Variants in PAPSS1 observed in about 807,000 individuals in gnomAD.
PAPSS1 encodes the protein 3'-phosphoadenosine 5'-phosphosulfate synthase 1.
In PAPSS1, 50 loss-of-function variants were observed where a neutral mutation model predicts 72.0. The ratio of observed to expected loss-of-function variants is 0.69; its 90% confidence interval spans 0.55 to 0.88. The LOEUF (loss-of-function observed/expected upper bound fraction) is 0.88. Among genes scored for constraint, PAPSS1 ranks in the 40% least tolerant of loss-of-function variants. The pLI, the probability that PAPSS1 is intolerant of heterozygous loss-of-function variation, is 0.00. For missense variants in PAPSS1, 657 were observed against 782.2 expected, an observed-to-expected ratio of 0.84 and a Z score of 1.91; for synonymous variants, 261 against 263.6, an observed-to-expected ratio of 0.99 and a Z score of 0.09.
At chr4:107,625,086 G>A (rs1356933755) in intron 11 of PAPSS1, among the ~76,000 whole-genome samples, 4 of 152,264 alleles carry the variant, frequency 2.6e-5, no homozygotes, top group Non-Finnish European at 5.9e-5. Flanking sequence ...TGAGGGTAAA[G>A]GTAAAGCTGG....
rs1722807972 is a variant in PAPSS1, at chr4:107,687,158, T to C, written c.431A>G (p.Gln144Arg). ...PYTQDRNNAR[Q>R]IHEGASLPFF... ...CGGTAAACTTGCACCTTCATGAATT[T>C]GCCTTGCATTGTTGCGATCCTTAAA... Residue 144 changes from glutamine (Q) to arginine (R), a missense_variant, in exon 4 of 12, where the codon CAA becomes CGA. Around this residue, in one of 7 missense-constraint regions of PAPSS1, gnomAD observed 119 missense variants for 171.1 expected, o/e 0.70. Coordinates refer to ENST00000265174, the MANE Select transcript of PAPSS1 (RefSeq NM_005443.5). 8 of 1,583,656 alleles carry C rather than the reference T, an allele frequency of 5.1e-6. No individual in the cohort carries two copies. In the South Asian group the frequency reaches 9.6e-5, roughly 19 times the overall value.
At chr4:107,689,970 C>CTTGAGGCTTACT (rs1408859788) in intron 3 of PAPSS1, among the ~76,000 whole-genome samples, 2 of 152,156 alleles carry the variant, frequency 1.3e-5, no homozygotes, top group African/African-American at 4.8e-5. Context: ...CCAGGTCTTA[C>CTTGAGGCTTACT]TGATGCTACT....
chr4:107,662,836 A>G (rs1052492786), intron 5 of PAPSS1, among the ~76,000 whole-genome samples: 1 of 152,206 alleles, frequency 6.6e-6, no homozygotes, highest in Non-Finnish European at 1.5e-5. Context: ...GACAAATGAT[A>G]GTTTAGCAGT....
At chr4:107,648,522 C>T (rs1032424279) in intron 9 of PAPSS1, among the ~76,000 whole-genome samples, 3 of 152,182 alleles carry the variant, frequency 2.0e-5, no homozygotes, top group Admixed American at 6.5e-5. Context: ...AGCCAGAGCC[C>T]CAGTATCCAC....
In PAPSS1 at chr4:107,652,761, T is replaced by C. The variant is rs79429173; in HGVS notation, c.1237+730A>G. ...GGTGATGTTAGGCTTAACCAGCTGA[T>C]TCTTCCTTGTTAAGTTTCTTTTACT... On this transcript the variant is annotated intron_variant, in intron 9 of 11. Coordinates refer to ENST00000265174, the MANE Select transcript of PAPSS1 (RefSeq NM_005443.5). Among the ~76,000 whole-genome samples, 316 of 152,342 alleles carry C rather than the reference T, an allele frequency of 2.1e-3. 2 individuals are homozygous for C. The highest frequency in any genetic ancestry group is 7.2e-3 in the African/African-American group (299 of 41,590).
chr4:107,629,993 C>G (rs1247053154), intron 11 of PAPSS1, among the ~76,000 whole-genome samples: 11 of 152,148 alleles, frequency 7.2e-5, no homozygotes, highest in Non-Finnish European at 2.9e-5. Context: ...CCTAATTTGG[C>G]TCTTTCTGGC....
At chr4:107,696,200 T>C (rs1431299373) in intron 2 of PAPSS1, among the ~76,000 whole-genome samples, 1 of 152,218 alleles carries the variant, frequency 6.6e-6, no homozygotes, top group Non-Finnish European at 1.5e-5. Context: ...AAATACCATT[T>C]GACCCAGCAA....
chr4:107,701,170 C>T lies in PAPSS1; in HGVS notation c.175+1G>A, dbSNP rs1041425488. On this transcript the variant is annotated splice_donor_variant, in intron 2 of 11. Transcript: ENST00000265174. LOFTEE classifies it high-confidence loss of function. ...AACTGCTTTCTCTCTCTTGACCATACCTGTTAGCCAAACTGTGCAACCACG... is the reference window on the plus strand; with the variant it reads ...AACTGCTTTCTCTCTCTTGACCATATCTGTTAGCCAAACTGTGCAACCACG... 6.2e-7 allele frequency: 1 copy of T among 1,603,618 alleles called. No individual in the cohort carries two copies. The highest frequency in any genetic ancestry group is 1.3e-5 in the African/African-American group (1 of 74,650).
At position 107,693,902 on chromosome 4, in the gene PAPSS1, C is replaced by T. The variant is rs765387759; in HGVS notation, c.280G>A (p.Gly94Ser). ...CTAAAGCCAAGATTTTTATTGAGACCTTGACGAATATTGTCACCATCCAGA... is the reference window on the plus strand; with the variant it reads ...CTAAAGCCAAGATTTTTATTGAGACTTTGACGAATATTGTCACCATCCAGA... ...YTLDGDNIRQ[G>S]LNKNLGFSPE... Residue 94 changes from glycine (G) to serine (S), a missense_variant, in exon 3 of 12, where the codon GGT becomes AGT. Gly to Ser is a moderately conservative substitution (Grantham distance 56). Around this residue, in one of 7 missense-constraint regions of PAPSS1, gnomAD observed 119 missense variants for 171.1 expected, o/e 0.70. Transcript: ENST00000265174. 8.7e-6 allele frequency: 14 copies of T among 1,613,808 alleles called. No homozygotes were observed. Among genetic ancestry groups the T allele is most frequent in the East Asian group, 2.2e-5 (1 of 44,884 alleles).
chr4:107,637,153 T>C (rs1028661149), intron 10 of PAPSS1, among the ~76,000 whole-genome samples: 1 of 152,216 alleles, frequency 6.6e-6, no homozygotes. Flanking sequence ...TCCACACACA[T>C]TTATAATATA....
intron 5 of PAPSS1, among the ~76,000 whole-genome samples, chr4:107,671,256 T>A (rs1335949894): frequency 6.7e-6 from 1 of 149,924 alleles, no homozygotes; most frequent in Non-Finnish European, 1.5e-5. Context: ...TTTCTCAAAA[T>A]CAAGTTTTTT....
intron 3 of PAPSS1, among the ~76,000 whole-genome samples, chr4:107,687,500 G>C (rs959484600): frequency 6.6e-6 from 1 of 152,256 alleles, no homozygotes; most frequent in Admixed American, 6.5e-5. Context: ...GTGTCATCAG[G>C]CTTCTCTCTA....
intron 9 of PAPSS1, among the ~76,000 whole-genome samples, chr4:107,646,492 G>C (rs937886283): frequency 6.6e-6 from 1 of 151,630 alleles, no homozygotes; most frequent in Admixed American, 6.6e-5. Flanking sequence ...AAATAAACCA[G>C]AGCTCCTTGG....
intron 5 of PAPSS1, among the ~76,000 whole-genome samples, chr4:107,677,485 G>A (rs1334598720): frequency 6.6e-6 from 1 of 152,146 alleles, no homozygotes; most frequent in African/African-American, 2.4e-5. Context: ...ACCACAATGA[G>A]ATACCATCTC....
At chr4:107,625,263 A>G (rs913276470) in intron 11 of PAPSS1, among the ~76,000 whole-genome samples, 4 of 152,178 alleles carry the variant, frequency 2.6e-5, no homozygotes, top group African/African-American at 9.7e-5. Flanking sequence ...TTGCATGGCA[A>G]AAGAGATTTT....
chr4:107,688,748 C>T (rs763671405), intron 3 of PAPSS1, among the ~76,000 whole-genome samples: 22 of 152,174 alleles, frequency 1.4e-4, no homozygotes, highest in Non-Finnish European at 2.8e-4. Context: ...AACTACAACA[C>T]ATACATCAAC....
chr4:107,681,255 G>T (rs1722584425), intron 5 of PAPSS1, among the ~76,000 whole-genome samples: 1 of 152,068 alleles, frequency 6.6e-6, no homozygotes, highest in Non-Finnish European at 1.5e-5. Context: ...CCCTAGGTCA[G>T]GACTGAATAG....
At chr4:107,671,866 C>T (rs1399709498) in intron 5 of PAPSS1, among the ~76,000 whole-genome samples, 1 of 151,946 alleles carries the variant, frequency 6.6e-6, no homozygotes, top group East Asian at 1.9e-4. Flanking sequence ...TATTAATTTT[C>T]CTGAATATTC....
chr4:107,678,597 A>T (rs1727722716), intron 5 of PAPSS1, among the ~76,000 whole-genome samples: 2 of 152,052 alleles, frequency 1.3e-5, no homozygotes, highest in Non-Finnish European at 1.5e-5. Context: ...TAAGAGGAAA[A>T]CAGCTAAAAT....
Sources: allele counts gnomAD v4.1 joint callset (sites outside exome capture counted in the v4.1 genomes callset), GRCh38; gene constraint gnomAD v4.1.1; regional missense constraint gnomAD v4.1.1; transcripts MANE v1.5; gene names NCBI Gene and HGNC (gene_info 2026-07-23, HGNC 2026-07-21).